Variants in GGT7 observed in about 807,000 individuals in gnomAD.
The protein encoded by GGT7 is gamma-glutamyltransferase 7.
GGT7 carries 30 observed loss-of-function variants against 69.2 expected under a neutral mutation model. The ratio of observed to expected loss-of-function variants is 0.43; its 90% CI spans 0.32 to 0.59. The LOEUF (loss-of-function observed/expected upper bound fraction) is 0.59, where lower values mean the gene tolerates loss of function less well. GGT7 is among the 20% of genes least tolerant of loss of function. GGT7 has a pLI of 0.05. For missense variants in GGT7, 733 were observed against 901.1 expected, an observed-to-expected ratio of 0.81 and a Z score of 2.39; for synonymous variants, 388 against 391.8, an observed-to-expected ratio of 0.99 and a Z score of 0.12.
chr20:34,853,530 C>A (rs933544686), intron 10 of GGT7, among the ~76,000 whole-genome samples: 1 of 150,058 alleles, frequency 6.7e-6, no homozygotes, highest in East Asian at 2.0e-4. Flanking sequence ...ACACTGCACT[C>A]CAGCCTGGGC....
rs1472803498 is a variant in GGT7, at chr20:34,854,989, T to C, written c.1103-66A>G. 4.0e-6 allele frequency: 6 copies of C among 1,510,728 alleles called. No individual in the cohort carries two copies. In the East Asian group the frequency reaches 6.8e-5, roughly 17 times the overall value. The allele number at this position is 1,510,728 out of a possible 1,614,324, so 93.6% of individuals were successfully genotyped here. A position where few individuals can be genotyped will look rare whatever the true frequency, so the allele number is the denominator to read the frequency against. ...AGGCACCTTCACATCCCACATCCCA[T>C]CTCCACATTCCACCATCACACACTG... is the stretch of plus-strand genomic sequence containing the variant. On this transcript the variant is annotated intron_variant, in intron 8 of 14. Transcript: ENST00000336431.
rs972822173 is a variant in GGT7, at chr20:34,863,126, G to C, written c.406-161C>G. Among the ~76,000 whole-genome samples, 7 of 152,098 alleles carry C rather than the reference G, an allele frequency of 4.6e-5. No individual in the cohort carries two copies. Among genetic ancestry groups the C allele is most frequent in the Non-Finnish European group, 8.8e-5 (6 of 68,004 alleles). Reference sequence around the variant, plus strand: ...ACCCCAAGTGCCTCCTAATGGATCTGTCCTTATTCTTCCTTGTTCTGTCTC... The same window carrying C: ...ACCCCAAGTGCCTCCTAATGGATCTCTCCTTATTCTTCCTTGTTCTGTCTC... On this transcript the variant is annotated intron_variant, in intron 2 of 14. Transcript: ENST00000336431. The surrounding 1 kb of genome is among the most constrained non-coding windows in gnomAD (Gnocchi z 4.4).
chr20:34,852,160 T>C lies in GGT7; in HGVS notation c.1582A>G (p.Ser528Gly), dbSNP rs1449766131. ...PNRTANHSAPSLENSVQPGKR... is the reference protein window; with the variant it reads ...PNRTANHSAPGLENSVQPGKR... ...AGCAGGGAAGCAAATCCTACCAGGC[T>C]GGGTGCAGAGTGGTTAGCTGTCCGG... Residue 528 changes from serine (S) to glycine (G), a missense_variant, in exon 12 of 15, where the codon AGC becomes GGC. Coordinates refer to ENST00000336431, the MANE Select transcript of GGT7 (RefSeq NM_178026.3). 6 of 1,601,844 alleles carry C rather than the reference T, an allele frequency of 3.7e-6. No individual in the cohort carries two copies. Among genetic ancestry groups the C allele is most frequent in the Non-Finnish European group, 5.1e-6 (6 of 1,168,840 alleles).
At chr20:34,867,684 G>A (rs146529198) in intron 1 of GGT7, among the ~76,000 whole-genome samples, 140 of 152,162 alleles carry the variant, frequency 9.2e-4, no homozygotes, top group African/African-American at 3.2e-3. Flanking sequence ...CAGCCTGGGC[G>A]ACAGGGTGAA....
chr20:34,859,685 G>A (rs1173593438), intron 6 of GGT7, 46 bp from the exon 7 acceptor site: 1 of 1,468,706 alleles, frequency 6.8e-7, no homozygotes, highest in Non-Finnish European at 9.2e-7. Context: ...CGCCAGGACT[G>A]GACCGGATGA....
At chr20:34,870,180 G>A (rs1263399504) in intron 1 of GGT7, among the ~76,000 whole-genome samples, 2 of 152,194 alleles carry the variant, frequency 1.3e-5, no homozygotes, top group Non-Finnish European at 2.9e-5. Context: ...GGGAGATATG[G>A]CATTCAAATG....
rs746457014 is a variant in GGT7 at position 34,862,908 on chromosome 20, C to T, written c.463G>A (p.Glu155Lys). The part of the protein sequence containing the change: ...DAARCTSLGI[E>K]VLSKQGSSVD... Reference sequence around the variant, plus strand: ...GAAGATCCCTGTTTACTGAGCACCTCGATGCCCAGTGAAGTGCAGCGGGCA... The same window carrying T: ...GAAGATCCCTGTTTACTGAGCACCTTGATGCCCAGTGAAGTGCAGCGGGCA... Residue 155 changes from glutamate (E) to lysine (K), a missense_variant, in exon 3 of 15, where the codon GAG becomes AAG. Transcript: ENST00000336431. 4 of 1,613,856 alleles carry T rather than the reference C, an allele frequency of 2.5e-6. No individual in the cohort carries two copies. The highest frequency in any genetic ancestry group is 1.1e-5 in the South Asian group (1 of 91,084).
intron 7 of GGT7, 49 bp downstream of exon 7, chr20:34,859,394 C>T (rs750409113): frequency 2.1e-6 from 3 of 1,443,606 alleles, no homozygotes; most frequent in South Asian, 2.8e-5. Context: ...GGATGTCCTG[C>T]AATAGGGACC....
chr20:34,862,864 T>C lies in GGT7; in HGVS notation c.507A>G (p.Ala169=). The change falls in exon 3 of 15, where the codon GCA becomes GCG. Residue 169 remains alanine (A), a synonymous_variant. Transcript: ENST00000336431. ...CCACGATACCCAAACACAAGGCTGC[T>C]GCCACCGCTGCGTCCACAGAAGATC... The part of the protein sequence containing the change: ...KQGSSVDAAV[A]AALCLGIVAP... 1 of 1,614,116 alleles carries C rather than the reference T, an allele frequency of 6.2e-7. No homozygotes were observed. Among genetic ancestry groups the C allele is most frequent in the Non-Finnish European group, 8.5e-7 (1 of 1,180,022 alleles).
In GGT7 at chr20:34,856,866, C is replaced by T. The variant is rs144406109; in HGVS notation, c.1042G>A (p.Glu348Lys). 17 of 1,610,712 alleles carry T rather than the reference C, an allele frequency of 1.1e-5. No homozygotes were observed. The highest frequency in any genetic ancestry group is 1.4e-5 in the Non-Finnish European group (17 of 1,177,250). ...EAQHAGGVIT[E>K]EDFSNYSALV... ...GCGCTGTAATTGCTGAAGTCCTCTT[C>T]GGTTATGACACCCCCTGCGTGCTGA... Residue 348 changes from glutamate to lysine, a missense_variant, in exon 8 of 15, where the codon GAA becomes AAA. Coordinates refer to ENST00000336431, the MANE Select transcript of GGT7 (RefSeq NM_178026.3).
At position 34,852,422 on chromosome 20, in the gene GGT7, A is replaced by G. The variant is rs1421706879; in HGVS notation, c.1436T>C (p.Met479Thr). The G allele has an allele frequency of 6.2e-7, 1 of 1,614,148 alleles. No individual in the cohort carries two copies. Among genetic ancestry groups the G allele is most frequent in the East Asian group, 2.2e-5 (1 of 44,880 alleles). ...GAPTAAQVLIMGPDDFIVAMV... is the reference protein window; with the variant it reads ...GAPTAAQVLITGPDDFIVAMV... The stretch of plus-strand genomic sequence containing the variant: ...GGCCACAATGAAGTCATCAGGTCCC[A>G]TGATCAGCACCTGGGCAGCCGTGGG... Residue 479 changes from methionine (M) to threonine (T), a missense_variant, in exon 11 of 15, where the codon ATG (methionine) becomes ACG (threonine). Met to Thr is a moderately conservative substitution (Grantham distance 81, BLOSUM62 -1). Transcript: ENST00000336431.
At chr20:34,870,677 G>T (rs1308171816) in intron 1 of GGT7, among the ~76,000 whole-genome samples, 1 of 151,316 alleles carries the variant, frequency 6.6e-6, no homozygotes, top group Non-Finnish European at 1.5e-5. Flanking sequence ...TTGTCATGTT[G>T]GCCAGGCTGT....
At chr20:34,868,943 C>T (rs1256549730) in intron 1 of GGT7, among the ~76,000 whole-genome samples, 1 of 152,146 alleles carries the variant, frequency 6.6e-6, no homozygotes, top group Non-Finnish European at 1.5e-5. Context: ...CCAGCTATGC[C>T]TGAAACCCCA....
intron 7 of GGT7, among the ~76,000 whole-genome samples, chr20:34,857,485 T>C (rs190929923): frequency 9.8e-5 from 15 of 152,286 alleles, no homozygotes; most frequent in African/African-American, 3.4e-4. Flanking sequence ...TACAAACCAA[T>C]GGGCTCATTC....
Position 34,872,638 on chromosome 20 carries a change from G to C in GGT7, c.169+9C>G. ...AAGGCAGGGCAGGGACGGGGTCAGC[G>C]GGCCTCACCGGTGTCGGGGTCTCCC... On this transcript the variant is annotated intron_variant, in intron 1 of 14. Coordinates refer to ENST00000336431, the MANE Select transcript of GGT7 (RefSeq NM_178026.3). 1 of 1,451,470 alleles carries C rather than the reference G, an allele frequency of 6.9e-7. No homozygotes were observed. 89.9% of individuals were successfully genotyped at this position (1,451,470 alleles called of 1,614,324 possible).
chr20:34,858,611 G>A (rs749260143), intron 7 of GGT7, among the ~76,000 whole-genome samples: 1 of 152,174 alleles, frequency 6.6e-6, no homozygotes, highest in African/African-American at 2.4e-5. Context: ...CACTATTAAT[G>A]ACAGTTCTCA....
intron 1 of GGT7, among the ~76,000 whole-genome samples, chr20:34,868,019 T>C (rs1451994096): frequency 2.6e-5 from 4 of 152,202 alleles, no homozygotes; most frequent in Non-Finnish European, 4.4e-5. Context: ...TGCACCACCA[T>C]GCCCAGCTAA....
chr20:34,866,232 G>A (rs1429397945), intron 1 of GGT7, among the ~76,000 whole-genome samples: 1 of 152,150 alleles, frequency 6.6e-6, no homozygotes, highest in African/African-American at 2.4e-5. Flanking sequence ...AATGAGATGG[G>A]GTGGGAGTTT....
At chr20:34,849,763 A>G (rs2079359141) in intron 14 of GGT7, among the ~76,000 whole-genome samples, 198 bp downstream of exon 14, 1 of 152,206 alleles carries the variant, frequency 6.6e-6, no homozygotes. Flanking sequence ...TGAGACATGG[A>G]TTTCCCAAGG....
Sources: allele counts gnomAD v4.1 joint callset (sites outside exome capture counted in the v4.1 genomes callset), GRCh38; gene constraint gnomAD v4.1.1; non-coding constraint Gnocchi (gnomAD v3.1); transcripts MANE v1.5; gene names NCBI Gene and HGNC (gene_info 2026-07-23, HGNC 2026-07-21).